RC3H2: variants seen among roughly 807,000 people sequenced by gnomAD.
RC3H2 encodes ring finger and CCCH-type domains 2.
Under a neutral mutation model 133.3 loss-of-function variants are expected in RC3H2, and 31 were observed. The observed-to-expected ratio is 0.23, with a 90% confidence interval of 0.17 to 0.31. The LOEUF (loss-of-function observed/expected upper bound fraction) is 0.31, where lower values mean the gene tolerates loss of function less well. Ranked by LOEUF, RC3H2 falls within the 10% of genes least tolerant of loss-of-function variation. The probability of loss-of-function intolerance (pLI) is 1.00; values close to 1 mark genes in which losing one functional copy is unlikely to be tolerated. For synonymous variants in RC3H2, 517 were observed against 502.2 expected (o/e 1.03, Z -0.40); for missense variants, 1,175 against 1,437.2 (o/e 0.82, Z 2.95).
At chr9:122,860,279 T>A in intron 10 of RC3H2, 148 bp from the exon 11 acceptor site, 1 of 624,444 alleles carries the variant, frequency 1.6e-6, no homozygotes, top group Non-Finnish European at 2.8e-6. Flanking sequence ...GCAATGAATT[T>A]CACTGCCACC....
chr9:122,873,331 G>T (rs1056255505), intron 9 of RC3H2, among the ~76,000 whole-genome samples: 8 of 152,130 alleles, frequency 5.3e-5, no homozygotes, highest in African/African-American at 1.7e-4. Flanking sequence ...TTGGAAATAA[G>T]AAGTAAGAAC....
In RC3H2 at chr9:122,872,142, ACT is replaced by A. The variant is rs565754384; in HGVS notation, c.1325+5327_1325+5328del. Among the ~76,000 whole-genome samples the A allele has an allele frequency of 1.1e-4, 16 of 152,296 alleles. No individual in the cohort carries two copies. In the East Asian group the frequency reaches 3.1e-3, roughly 29 times the overall value. On this transcript the variant is annotated intron_variant, in intron 9 of 20. Coordinates refer to ENST00000357244, the MANE Select transcript of RC3H2 (RefSeq NM_001100588.3). ...AAACATCATTATGGCCAAGAGAACC[ACT>A]GATTTTCTGCCCTGATGCATTTCCC...
intron 2 of RC3H2, among the ~76,000 whole-genome samples, chr9:122,893,907 T>A (rs554158033): frequency 4.6e-5 from 7 of 152,272 alleles, no homozygotes; most frequent in Admixed American, 1.3e-4. Flanking sequence ...CTGCTCCAAG[T>A]CATAATTTCC....
intron 10 of RC3H2, 130 bp from the exon 11 acceptor site, chr9:122,860,261 CA>C: frequency 1.5e-6 from 1 of 658,458 alleles, no homozygotes; most frequent in Non-Finnish European, 2.6e-6. Flanking sequence ...GCCACATTGA[CA>C]AATAAGGCAA....
In RC3H2 at chr9:122,855,322, T is replaced by TTGGATC. The variant is rs1564284620; in HGVS notation, c.2671_2676dup (p.Asp891_Pro892dup). 6.2e-7 allele frequency: 1 copy of TTGGATC among 1,614,132 alleles called. No individual in the cohort carries two copies. On this transcript the variant is annotated inframe_insertion, in exon 15 of 21. Coordinates refer to ENST00000357244, the MANE Select transcript of RC3H2 (RefSeq NM_001100588.3). ...ATGGGTCCATCACTAAAGGGAATTA[T>TTGGATC]TGGATCTTCTTCTTTTGTCCTTCTC...
Position 122,845,397 on chromosome 9 carries a change from T to A in RC3H2, c.*4230A>T, listed in dbSNP as rs1341348319. ...TTGTTTGCCCAGCTAAGAGAATGCA[T>A]GCACTTCCATGCCTTGGGTTATAAA... is the stretch of plus-strand genomic sequence containing the variant. On this transcript the variant is annotated 3_prime_UTR_variant, in exon 21 of 21. Coordinates refer to ENST00000357244, the MANE Select transcript of RC3H2 (RefSeq NM_001100588.3). 4.6e-5 allele frequency: 7 copies of A among 152,338 alleles called. No homozygotes were observed. The East Asian group carries it at 1.3e-3, about 29-fold the overall frequency. 9.4% of individuals were successfully genotyped at this position (152,338 alleles called of 1,614,324 possible).
At chr9:122,867,217 G>A (rs530059053) in intron 9 of RC3H2, among the ~76,000 whole-genome samples, 3 of 89,542 alleles carry the variant, frequency 3.4e-5, no homozygotes, top group African/African-American at 9.2e-5. Flanking sequence ...CAGCCACCCC[G>A]TCCGGGAGGG....
chr9:122,879,653 G>A (rs1831514264), intron 8 of RC3H2, 102 bp downstream of exon 8: 2 of 744,628 alleles, frequency 2.7e-6, no homozygotes, highest in East Asian at 5.0e-5. Flanking sequence ...AGAAACTTAT[G>A]AGTCACATAC....
At position 122,847,007 on chromosome 9, in the gene RC3H2, C is replaced by A. The variant is rs1193386427; in HGVS notation, c.*2620G>T. On this transcript the variant is annotated 3_prime_UTR_variant, in exon 21 of 21. Transcript: ENST00000357244. ...GAATAATCTCAACACAGAAACAATT[C>A]CTATGTTGTTAGTGAAAAAGAGAGT... 1 of 152,032 alleles carries A rather than the reference C, an allele frequency of 6.6e-6. No individual in the cohort carries two copies. Among genetic ancestry groups the A allele is most frequent in the South Asian group, 2.1e-4 (1 of 4,818 alleles). 9.4% of individuals were successfully genotyped at this position (152,032 alleles called of 1,614,324 possible).
intron 20 of RC3H2, among the ~76,000 whole-genome samples, chr9:122,850,757 T>C (rs1829991622): frequency 6.6e-6 from 1 of 152,154 alleles, no homozygotes; most frequent in African/African-American, 2.4e-5. Flanking sequence ...AATCTTAACA[T>C]GATTTTCAAA....
Position 122,846,378 on chromosome 9 carries a change from T to C in RC3H2, c.*3249A>G, listed in dbSNP as rs1235087521. The C allele has an allele frequency of 6.6e-6, 1 of 152,210 alleles. No individual in the cohort carries two copies. The highest frequency in any genetic ancestry group is 2.4e-5 in the African/African-American group (1 of 41,462). The allele number at this position is 152,210 out of a possible 1,614,324, so 9.4% of individuals were successfully genotyped here. On this transcript the variant is annotated 3_prime_UTR_variant, in exon 21 of 21. Coordinates refer to ENST00000357244, the MANE Select transcript of RC3H2 (RefSeq NM_001100588.3). ...AATTACAATGCACAACTTTCATGTA[T>C]GACACTGGTTTATCACATGGCATTG...
intron 8 of RC3H2, among the ~76,000 whole-genome samples, chr9:122,879,237 T>C (rs1831488446): frequency 6.6e-6 from 1 of 151,398 alleles, no homozygotes; most frequent in Admixed American, 6.6e-5. Flanking sequence ...CTACAAAAAA[T>C]ACAAAAATTA....
chr9:122,869,181 C>T (rs953893870), intron 9 of RC3H2, among the ~76,000 whole-genome samples: 4 of 151,928 alleles, frequency 2.6e-5, no homozygotes, highest in African/African-American at 4.8e-5. Flanking sequence ...GCTGGGATTA[C>T]GGGTGTGAGC....
At chr9:122,899,994 G>A (rs1832594157) in intron 1 of RC3H2, among the ~76,000 whole-genome samples, 1 of 152,062 alleles carries the variant, frequency 6.6e-6, no homozygotes, top group African/African-American at 2.4e-5. Flanking sequence ...GCTTGGGGTG[G>A]GGGAGTTTCA....
intron 1 of RC3H2, among the ~76,000 whole-genome samples, chr9:122,902,156 C>A (rs1049720044): frequency 2.6e-5 from 4 of 152,202 alleles, no homozygotes; most frequent in African/African-American, 7.2e-5. Context: ...GTCTCGAACT[C>A]CTGACCTCAG....
In RC3H2 at chr9:122,863,500, A is replaced by T. The variant is rs181731647; in HGVS notation, c.1634+1849T>A. Among the ~76,000 whole-genome samples, 16 of 152,198 alleles carry T rather than the reference A, an allele frequency of 1.1e-4. No individual in the cohort carries two copies. The East Asian group carries it at 1.3e-3, about 13-fold the overall frequency. On this transcript the variant is annotated intron_variant, in intron 10 of 20. Transcript: ENST00000357244. ...CCATGTTATGTTGTTTTTTTTCTGT[A>T]ATTTCCCATATTTCTCCCAGCAATA...
In RC3H2 at chr9:122,905,312, G is replaced by GCCTCCTCCTCCCTCCACCTCCGCCT; in HGVS notation, c.-271_-270insAGGCGGAGGTGGAGGGAGGAGGAGG. 7.1e-6 allele frequency: 7 copies of GCCTCCTCCTCCCTCCACCTCCGCCT among 979,580 alleles called. No homozygotes were observed. The highest frequency in any genetic ancestry group is 8.5e-6 in the Non-Finnish European group (7 of 824,638). The allele number at this position is 979,580 out of a possible 1,614,324, so 60.7% of individuals were successfully genotyped here. ...GCCTCCTCCTCCTCCCTCCACCTCC[G>GCCTCCTCCTCCCTCCACCTCCGCCT]CCTCCTCCTCCTCCTCCTCCTCACC... On this transcript the variant is annotated 5_prime_UTR_variant, in exon 1 of 21. Coordinates refer to ENST00000357244, the MANE Select transcript of RC3H2 (RefSeq NM_001100588.3).
chr9:122,855,978 TA>T (rs1239731781), intron 13 of RC3H2, 100 bp from the exon 14 acceptor site: 1 of 855,060 alleles, frequency 1.2e-6, no homozygotes, highest in Non-Finnish European at 1.7e-6. Context: ...GAGGACTTCA[TA>T]GCAAACAATT....
Position 122,849,712 on chromosome 9 carries a change from T to C in RC3H2, c.3491A>G (p.Asn1164Ser), listed in dbSNP as rs779229093. Residue 1164 changes from asparagine to serine, a missense_variant, in exon 21 of 21, where the codon AAC (asparagine) becomes AGC (serine). Transcript: ENST00000357244. ...LPITTSVSAGNLILKTHVMSE... is the reference protein window; with the variant it reads ...LPITTSVSAGSLILKTHVMSE... The stretch of plus-strand genomic sequence containing the variant: ...CATAACATGAGTTTTCAGAATGAGG[T>C]TGCCAGCACTGACAGATGTGGTGAT... 3.7e-6 allele frequency: 6 copies of C among 1,612,114 alleles called. No individual in the cohort carries two copies. The highest frequency in any genetic ancestry group is 5.1e-6 in the Non-Finnish European group (6 of 1,179,154).
Sources: allele counts gnomAD v4.1 joint callset (sites outside exome capture counted in the v4.1 genomes callset), GRCh38; gene constraint gnomAD v4.1.1; transcripts MANE v1.5; gene names NCBI Gene and HGNC (gene_info 2026-07-23, HGNC 2026-07-21).